GRIP1: variants seen among roughly 807,000 people sequenced by gnomAD.
The protein encoded by GRIP1 is glutamate receptor-interacting protein 1.
Under a neutral mutation model 129.9 loss-of-function variants are expected in GRIP1, and 45 were observed. The ratio of observed to expected loss-of-function variants is 0.35; its 90% CI spans 0.27 to 0.44. The LOEUF is 0.44. GRIP1 is among the 20% of genes least tolerant of loss of function. The pLI, the probability that GRIP1 is intolerant of heterozygous loss-of-function variation, is 1.00. For missense variants in GRIP1, 1,196 were observed against 1,396.8 expected, an observed-to-expected ratio of 0.86 and a Z score of 2.29; for synonymous variants, 530 against 520.8, an observed-to-expected ratio of 1.02 and a Z score of -0.24.
intron 1 of GRIP1, among the ~76,000 whole-genome samples, chr12:66,774,986 G>C (rs2037934457): frequency 6.6e-6 from 1 of 152,184 alleles, no homozygotes; most frequent in Non-Finnish European, 1.5e-5. Flanking sequence ...CCCTGTGCAA[G>C]CCTCTCATTT....
intron 22 of GRIP1, chr12:66,372,147 T>A (rs2055540741): frequency 1.7e-6 from 1 of 601,982 alleles, no homozygotes; most frequent in Admixed American, 2.8e-5. Flanking sequence ...ATTTAAGTAC[T>A]TAAGCCATTG....
chr12:66,903,318 T>C (rs1186032083), intron 1 of GRIP1, among the ~76,000 whole-genome samples: 1 of 151,796 alleles, frequency 6.6e-6, no homozygotes, highest in East Asian at 1.9e-4. Context: ...TTTGTAAGTT[T>C]AAAAGTCTGT....
At chr12:67,061,292 C>A (rs1682978017) in intron 1 of GRIP1, among the ~76,000 whole-genome samples, 1 of 152,112 alleles carries the variant, frequency 6.6e-6, no homozygotes, top group African/African-American at 2.4e-5. Flanking sequence ...CAATTTCTGG[C>A]CTTTGTGATA....
chr12:66,759,115 G>A (rs111869493), intron 1 of GRIP1, among the ~76,000 whole-genome samples: 6,393 of 152,296 alleles, frequency 0.042, 315 homozygotes, highest in African/African-American at 0.12. Context: ...CTCCGCCCCT[G>A]CAGCAAACTT....
chr12:67,008,312 G>C (rs1486255745), intron 1 of GRIP1, among the ~76,000 whole-genome samples: 1 of 152,018 alleles, frequency 6.6e-6, no homozygotes, highest in African/African-American at 2.4e-5. Flanking sequence ...CTGATTCTTT[G>C]GGGAAAAAAA....
chr12:66,815,761 C>T (rs540846103), intron 1 of GRIP1, among the ~76,000 whole-genome samples: 1 of 145,210 alleles, frequency 6.9e-6, no homozygotes, highest in African/African-American at 2.5e-5. Context: ...AAGACCCCGA[C>T]TCAAACCAAA....
intron 1 of GRIP1, among the ~76,000 whole-genome samples, chr12:66,658,892 C>A (rs1407383189): frequency 6.6e-6 from 1 of 151,776 alleles, no homozygotes; most frequent in African/African-American, 2.4e-5. Context: ...CCATTGCACT[C>A]CAGTCTGAGC....
chr12:66,873,367 A>G (rs1209203350), intron 1 of GRIP1, among the ~76,000 whole-genome samples: 6 of 152,082 alleles, frequency 3.9e-5, no homozygotes, highest in Admixed American at 3.9e-4. Flanking sequence ...CCATCTTCGG[A>G]AAATAAAGTC....
chr12:66,683,072 A>G (rs1455296309), upstream of GRIP1, among the ~76,000 whole-genome samples: 1 of 151,512 alleles, frequency 6.6e-6, no homozygotes, highest in Non-Finnish European at 1.5e-5. Flanking sequence ...CAACACATAC[A>G]CAGTTATTAA....
At chr12:66,371,445 C>T (rs2055491907) in intron 23 of GRIP1, among the ~76,000 whole-genome samples, 1 of 152,214 alleles carries the variant, frequency 6.6e-6, no homozygotes, top group African/African-American at 2.4e-5. Flanking sequence ...AGGCATGTGC[C>T]ACCACACCCA....
chr12:66,904,032 G>C (rs10878523), intron 1 of GRIP1, among the ~76,000 whole-genome samples: 39,510 of 152,150 alleles, frequency 0.26, 5,541 homozygotes, highest in East Asian at 0.45. Flanking sequence ...GGCACTGACT[G>C]TTTAAGAGAG....
chr12:66,749,208 G>A (rs568773062), intron 1 of GRIP1, among the ~76,000 whole-genome samples: 8 of 152,284 alleles, frequency 5.3e-5, no homozygotes, highest in East Asian at 3.9e-4. Flanking sequence ...AAGAAAAACC[G>A]TTTAATCCAA....
chr12:66,665,063 G>A (rs1467253252), intron 1 of GRIP1, among the ~76,000 whole-genome samples: 1 of 152,020 alleles, frequency 6.6e-6, no homozygotes, highest in Non-Finnish European at 1.5e-5. Context: ...ACCTAGGCTA[G>A]AGTGCAGTGG....
chr12:66,724,120 T>G (rs1199643697), intron 1 of GRIP1, among the ~76,000 whole-genome samples: 1 of 152,204 alleles, frequency 6.6e-6, no homozygotes, highest in African/African-American at 2.4e-5. Context: ...TGAGAGAAGA[T>G]AGTTTGTATG....
intron 1 of GRIP1, among the ~76,000 whole-genome samples, chr12:66,629,226 A>T (rs2030459096): frequency 1.3e-5 from 2 of 152,234 alleles, no homozygotes; most frequent in South Asian, 4.1e-4. Context: ...ACATTAGGAT[A>T]TTCTTGGGAA....
intron 1 of GRIP1, among the ~76,000 whole-genome samples, chr12:66,861,991 T>C (rs1184697961): frequency 6.6e-6 from 1 of 152,070 alleles, no homozygotes; most frequent in African/African-American, 2.4e-5. Context: ...CAAGAACAGA[T>C]CATTTAGGTC....
upstream of GRIP1, among the ~76,000 whole-genome samples, chr12:66,679,832 T>C (rs868109936): frequency 6.6e-6 from 1 of 152,364 alleles, no homozygotes. Flanking sequence ...CTTCTCATTA[T>C]GCAAATAAAA....
chr12:67,024,260 G>A (rs2042908969), intron 1 of GRIP1, among the ~76,000 whole-genome samples: 1 of 152,070 alleles, frequency 6.6e-6, no homozygotes, highest in Admixed American at 6.6e-5. Flanking sequence ...CTGCAGATTC[G>A]TGTGTATTTC....
intron 2 of GRIP1, among the ~76,000 whole-genome samples, chr12:66,573,394 A>T (rs1199663315): frequency 6.6e-6 from 1 of 152,184 alleles, no homozygotes; most frequent in Admixed American, 6.5e-5. Flanking sequence ...AAACTGTGGG[A>T]TAATAAACGT....
Sources: allele counts gnomAD v4.1 joint callset (sites outside exome capture counted in the v4.1 genomes callset), GRCh38; gene constraint gnomAD v4.1.1; transcripts MANE v1.5; gene names NCBI Gene and HGNC (gene_info 2026-07-23, HGNC 2026-07-21).